The following PLBD1 variants were observed in gnomAD, a reference collection of about 807,000 sequenced individuals.
PLBD1 encodes lysosomal leucine aminopeptidase.
PLBD1 carries 60 observed loss-of-function variants against 63.0 expected under a neutral mutation model. The ratio of observed to expected loss-of-function variants is 0.95; its 90% CI spans 0.77 to 1.18. The LOEUF is 1.18. PLBD1 is among the 50% of genes most tolerant of loss of function. The probability of loss-of-function intolerance (pLI) is 0.00; values close to 1 mark genes in which losing one functional copy is unlikely to be tolerated. For synonymous variants in PLBD1, 262 were observed against 248.0 expected (o/e 1.06, Z -0.53); for missense variants, 598 against 677.9 (o/e 0.88, Z 1.31).
In PLBD1 at chr12:14,536,669, T is replaced by G; in HGVS notation, c.600A>C (p.Gly200=). Residue 200 remains glycine (G), a synonymous_variant, in exon 5 of 11, where the codon GGA becomes GGC. Transcript: ENST00000240617. ...GTGAGGGAATCAGATCCAATAGATC[T>G]CCAACACTATTCAGGAACTGAATCT... The part of the protein sequence containing the change: ...LFQIQFLNSV[G]DLLDLIPSLS... 1 of 1,614,160 alleles carries G rather than the reference T, an allele frequency of 6.2e-7. No homozygotes were observed. The highest frequency in any genetic ancestry group is 8.5e-7 in the Non-Finnish European group (1 of 1,180,016).
intron 6 of PLBD1, among the ~76,000 whole-genome samples, chr12:14,517,268 C>T (rs865945811): frequency 1.3e-5 from 2 of 152,132 alleles, no homozygotes; most frequent in African/African-American, 4.8e-5. Context: ...CACCAGGCCT[C>T]CTGAGTAGCT....
intron 1 of PLBD1, among the ~76,000 whole-genome samples, chr12:14,564,730 T>C (rs1050782295): frequency 1.3e-5 from 2 of 152,226 alleles, no homozygotes; most frequent in Non-Finnish European, 2.9e-5. Context: ...TTCTGGAGTC[T>C]AGCCCTGCAA....
chr12:14,556,283 GT>G lies in PLBD1; in HGVS notation c.116-2872del, dbSNP rs1440638422. On this transcript the variant is annotated intron_variant, in intron 1 of 10. Transcript: ENST00000240617. ...AGGAGTTTAGTTTTAGACATATTGA[GT>G]TTTTAGTGATTAAGAGGCTAGAAAG... is the stretch of plus-strand genomic sequence containing the variant. Among the ~76,000 whole-genome samples, 25 of 152,116 alleles carry G rather than the reference GT, an allele frequency of 1.6e-4. 1 individual carries two copies. Among genetic ancestry groups the G allele is most frequent in the Admixed American group, 1.6e-3 (24 of 15,276 alleles).
At chr12:14,541,164 CTG>C (rs1321761487) in intron 3 of PLBD1, among the ~76,000 whole-genome samples, 1 of 152,192 alleles carries the variant, frequency 6.6e-6, no homozygotes, top group Non-Finnish European at 1.5e-5. Context: ...AGTGACCTAA[CTG>C]TGATACAAGA....
intron 6 of PLBD1, among the ~76,000 whole-genome samples, chr12:14,513,804 G>T (rs866683889): frequency 2.6e-4 from 39 of 150,270 alleles, no homozygotes; most frequent in Admixed American, 9.9e-4. Context: ...TTTTGAGACG[G>T]AGTCTCGCTC....
intron 6 of PLBD1, among the ~76,000 whole-genome samples, chr12:14,512,281 T>A (rs187349467): frequency 6.6e-6 from 1 of 152,004 alleles, no homozygotes; most frequent in African/African-American, 2.4e-5. Flanking sequence ...CCTGAGTAGC[T>A]GGGGTTACAG....
chr12:14,563,595 A>G (rs924135229), intron 1 of PLBD1, among the ~76,000 whole-genome samples: 8 of 152,208 alleles, frequency 5.3e-5, no homozygotes, highest in African/African-American at 1.9e-4. Context: ...TCAAGACATG[A>G]TAACTTTTTA....
chr12:14,523,842 G>T (rs1945396154), intron 6 of PLBD1, among the ~76,000 whole-genome samples: 1 of 152,258 alleles, frequency 6.6e-6, no homozygotes, highest in Middle Eastern at 3.4e-3. Flanking sequence ...ATGTTAAAGA[G>T]ATATCCACAC....
At chr12:14,534,712 T>G (rs534553088) in intron 6 of PLBD1, among the ~76,000 whole-genome samples, 107 of 152,030 alleles carry the variant, frequency 7.0e-4, no homozygotes, top group Non-Finnish European at 1.3e-3. Context: ...CCTGGCTAAT[T>G]TTTTGTATTT....
At chr12:14,521,618 C>A (rs538970799) in intron 6 of PLBD1, among the ~76,000 whole-genome samples, 1 of 152,258 alleles carries the variant, frequency 6.6e-6, no homozygotes. Context: ...GCATCCTCCA[C>A]AACCGACACC....
At chr12:14,535,114 T>G (rs546804931) in intron 6 of PLBD1, among the ~76,000 whole-genome samples, 3 of 152,354 alleles carry the variant, frequency 2.0e-5, no homozygotes, top group Admixed American at 6.5e-5. Context: ...GCACATACAG[T>G]ATCCAGTAAT....
chr12:14,552,625 G>A (rs541966231), intron 2 of PLBD1, among the ~76,000 whole-genome samples: 4 of 152,202 alleles, frequency 2.6e-5, no homozygotes, highest in African/African-American at 9.6e-5. Context: ...TCATGGCTGG[G>A]TATGGTGGCT....
chr12:14,556,203 T>C (rs1194359711), intron 1 of PLBD1, among the ~76,000 whole-genome samples: 1 of 152,164 alleles, frequency 6.6e-6, no homozygotes, highest in Non-Finnish European at 1.5e-5. Context: ...AGTGGATGGA[T>C]GTTGTATCAT....
At chr12:14,523,160 T>C (rs1194198705) in intron 6 of PLBD1, among the ~76,000 whole-genome samples, 1 of 152,082 alleles carries the variant, frequency 6.6e-6, no homozygotes, top group Non-Finnish European at 1.5e-5. Context: ...TGAGTACAGT[T>C]GCAGGATATA....
Position 14,567,619 on chromosome 12 carries a change from C to T in PLBD1, c.78G>A (p.Pro26=). Residue 26 remains proline, a synonymous_variant, in exon 1 of 11, where the codon CCG becomes CCA. Coordinates refer to ENST00000240617, the MANE Select transcript of PLBD1 (RefSeq NM_024829.6). ...PPLLLLLLLL[P]LLLVTAEPPK... ...GCGGCTCCGCGGTGACTAACAACAG[C>T]GGCAGCAGCAGCAGCAGCAGCAGAA... 1 of 1,349,046 alleles carries T rather than the reference C, an allele frequency of 7.4e-7. No homozygotes were observed. Among genetic ancestry groups the T allele is most frequent in the Non-Finnish European group, 9.7e-7 (1 of 1,026,762 alleles). The allele number at this position is 1,349,046 out of a possible 1,614,324, so 83.6% of individuals were successfully genotyped here.
intron 6 of PLBD1, among the ~76,000 whole-genome samples, chr12:14,513,487 A>C: frequency 6.6e-6 from 1 of 152,332 alleles, no homozygotes; most frequent in Non-Finnish European, 1.5e-5. Context: ...GCATGCTATT[A>C]CACATCTATT....
chr12:14,529,443 G>A (rs1471569385), intron 6 of PLBD1, among the ~76,000 whole-genome samples: 1 of 151,866 alleles, frequency 6.6e-6, no homozygotes, highest in Non-Finnish European at 1.5e-5. Flanking sequence ...TCATGACTGA[G>A]GATTAACCCA....
chr12:14,518,187 CA>C (rs1440838556), intron 6 of PLBD1, among the ~76,000 whole-genome samples: 4 of 152,092 alleles, frequency 2.6e-5, no homozygotes, highest in Non-Finnish European at 5.9e-5. Context: ...TCTCAGAAAA[CA>C]AAACCCCCAA....
chr12:14,503,724 T>C lies in PLBD1; in HGVS notation c.*48A>G, dbSNP rs1591991315. ...GATGGGAAAAACATAGCTAAAATAGTGCCTTTGGTATCTTATTTACAGTCT... is the reference window on the plus strand; with the variant it reads ...GATGGGAAAAACATAGCTAAAATAGCGCCTTTGGTATCTTATTTACAGTCT... On this transcript the variant is annotated 3_prime_UTR_variant, in exon 11 of 11. Transcript: ENST00000240617. 2.0e-6 allele frequency: 3 copies of C among 1,477,054 alleles called. No individual in the cohort carries two copies. The African/African-American group carries it at 4.2e-5, about 21-fold the overall frequency. The allele number at this position is 1,477,054 out of a possible 1,614,324, so 91.5% of individuals were successfully genotyped here.
Sources: allele counts gnomAD v4.1 joint callset (sites outside exome capture counted in the v4.1 genomes callset), GRCh38; gene constraint gnomAD v4.1.1; transcripts MANE v1.5; gene names NCBI Gene and HGNC (gene_info 2026-07-23, HGNC 2026-07-21).